Variants in PATJ observed in about 807,000 individuals in gnomAD.
PATJ encodes PATJ crumbs cell polarity complex component, also known as inaD-like protein.
In PATJ, 190 loss-of-function variants were observed where a neutral mutation model predicts 224.9. That is an observed-to-expected ratio of 0.84 (90% CI 0.75 to 0.95). The LOEUF is 0.95. PATJ is among the 40% of genes least tolerant of loss of function. The pLI, the probability that PATJ is intolerant of heterozygous loss-of-function variation, is 0.00. For synonymous variants in PATJ, 769 were observed against 820.3 expected, an observed-to-expected ratio of 0.94 and a Z score of 1.07; for missense variants, 2,121 against 2,270.3, an observed-to-expected ratio of 0.93 and a Z score of 1.34.
At chr1:61,770,642 A>G (rs975735036) in intron 5 of PATJ, among the ~76,000 whole-genome samples, 1 of 152,072 alleles carries the variant, frequency 6.6e-6, no homozygotes, top group African/African-American at 2.4e-5. Context: ...CTTGGGAGAG[A>G]TTAAAAGGGC....
At position 61,745,707 on chromosome 1, in the gene PATJ, G is replaced by A. The variant is rs1286705; in HGVS notation, c.-36+3152G>A. On this transcript the variant is annotated intron_variant, in intron 1 of 43. Coordinates refer to ENST00000642238, the MANE Select transcript of PATJ (RefSeq NM_001350145.3). ...CAACCTCTGCCTCCCAGGGTCAAGC[G>A]CTTCTCTTGCCTCAGCTTCCCAAGT... Among the ~76,000 whole-genome samples, 581 of 151,584 alleles carry A rather than the reference G, an allele frequency of 3.8e-3. 7 individuals are homozygous for A. Among genetic ancestry groups the A allele is most frequent in the African/African-American group, 0.013 (544 of 41,366 alleles).
At chr1:62,156,960 C>T (rs1425490115) in intron 43 of PATJ, among the ~76,000 whole-genome samples, 2 of 151,474 alleles carry the variant, frequency 1.3e-5, no homozygotes, top group Admixed American at 1.3e-4. Context: ...AAAAAGATCA[C>T]ATGAAAATCT....
At chr1:62,087,220 A>C (rs1489458879) in intron 33 of PATJ, among the ~76,000 whole-genome samples, 1 of 152,010 alleles carries the variant, frequency 6.6e-6, no homozygotes, top group Non-Finnish European at 1.5e-5. Flanking sequence ...GGGACAGCAC[A>C]GGCAGAGAGT....
intron 28 of PATJ, among the ~76,000 whole-genome samples, chr1:62,002,680 A>C (rs997175275): frequency 6.7e-6 from 1 of 149,506 alleles, no homozygotes; most frequent in African/African-American, 2.5e-5. Flanking sequence ...CTGCACTCAA[A>C]CCTGGGCAAC....
chr1:62,008,455 C>T (rs1204558892), intron 28 of PATJ, among the ~76,000 whole-genome samples: 2 of 152,202 alleles, frequency 1.3e-5, no homozygotes, highest in Non-Finnish European at 2.9e-5. Flanking sequence ...TATAATTTAT[C>T]ATCCAAACTG....
chr1:61,948,552 A>G (rs1461913229), intron 27 of PATJ, among the ~76,000 whole-genome samples: 1 of 152,228 alleles, frequency 6.6e-6, no homozygotes. Flanking sequence ...ATCATTAAAA[A>G]GTCAGGAAAC....
At chr1:62,062,161 T>C (rs937825976) in intron 31 of PATJ, among the ~76,000 whole-genome samples, 1 of 152,116 alleles carries the variant, frequency 6.6e-6, no homozygotes, top group African/African-American at 2.4e-5. Context: ...TTGAGAAATC[T>C]CTAAAGTGCT....
chr1:62,117,568 T>C (rs1227053473), intron 37 of PATJ: 1 of 217,758 alleles, frequency 4.6e-6, no homozygotes, highest in African/African-American at 2.4e-5. Flanking sequence ...CATTGTTCTA[T>C]TCATTCAATT....
In PATJ at chr1:62,163,905, T is replaced by A. The variant is rs1426488465; in HGVS notation, c.*2851T>A. 6.6e-6 allele frequency: 1 copy of A among 152,134 alleles called. No homozygotes were observed. Among genetic ancestry groups the A allele is most frequent in the African/African-American group, 2.4e-5 (1 of 41,452 alleles). The allele number at this position is 152,134 out of a possible 1,614,324, so 9.4% of individuals were successfully genotyped here. ...TTCCAAAGATTCTAAATAAATGTAG[T>A]TGCCTACAGAGCAAATGGAGTTTTA... On this transcript the variant is annotated 3_prime_UTR_variant, in exon 44 of 44. Transcript: ENST00000642238.
Position 62,128,840 on chromosome 1 carries a change from G to C in PATJ, c.5167-1G>C, listed in dbSNP as rs746037521. The C allele has an allele frequency of 4.4e-6, 7 of 1,599,696 alleles. No homozygotes were observed. The highest frequency in any genetic ancestry group is 1.7e-5 in the Admixed American group (1 of 59,880). On this transcript the variant is annotated splice_acceptor_variant, in intron 40 of 43. Coordinates refer to ENST00000642238, the MANE Select transcript of PATJ (RefSeq NM_001350145.3). LOFTEE classifies it high-confidence loss of function. ...ATTTTCTGTCATTTTTGTACTTCCA[G>C]GTTGGAGATCGGATTGTCAGCATTA... is the stretch of plus-strand genomic sequence containing the variant.
intron 30 of PATJ, among the ~76,000 whole-genome samples, chr1:62,042,044 T>C (rs1401882441): frequency 3.9e-5 from 6 of 152,114 alleles, no homozygotes; most frequent in Non-Finnish European, 8.8e-5. Flanking sequence ...CAGGCTAGTA[T>C]GTAAAAAATA....
chr1:62,017,413 CAA>C (rs58031818), intron 28 of PATJ, among the ~76,000 whole-genome samples: 1 of 134,538 alleles, frequency 7.4e-6, no homozygotes. Flanking sequence ...GACTCCGCCT[CAA>C]AAAAAAAAAA....
In PATJ at chr1:61,793,457, C is replaced by T. The variant is rs563942303; in HGVS notation, c.1168+2010C>T. Among the ~76,000 whole-genome samples, 38 of 152,104 alleles carry T rather than the reference C, an allele frequency of 2.5e-4. No individual in the cohort carries two copies. The South Asian group carries it at 4.4e-3, about 17-fold the overall frequency. ...TTGGGGAAATGTCAAGTGCGTGCTGCGGACTGGGCTTGGTGGCTCATGCCT... is the reference window on the plus strand; with the variant it reads ...TTGGGGAAATGTCAAGTGCGTGCTGTGGACTGGGCTTGGTGGCTCATGCCT... On this transcript the variant is annotated intron_variant, in intron 9 of 43. Coordinates refer to ENST00000642238, the MANE Select transcript of PATJ (RefSeq NM_001350145.3).
At chr1:61,983,902 G>A (rs917227677) in intron 27 of PATJ, among the ~76,000 whole-genome samples, 1 of 151,826 alleles carries the variant, frequency 6.6e-6, no homozygotes, top group Admixed American at 6.6e-5. Context: ...GTGGCTCAGT[G>A]CAGCCTCAAC....
At position 61,823,070 on chromosome 1, in the gene PATJ, G is replaced by A. The variant is rs778845575; in HGVS notation, c.1809G>A (p.Glu603=). The A allele has an allele frequency of 2.5e-6, 4 of 1,613,862 alleles. No homozygotes were observed. In the African/African-American group the frequency reaches 4.0e-5, roughly 16 times the overall value. ...TGGGTCTCCTACAGCCAGAAGATGA[G>A]CTGCTTGAGGTAAAATTTATGGGGA... ...DTLGLLQPED[E]LLEVNGMQLY... is the part of the protein sequence containing the mutation. Residue 603 remains glutamate (E), a synonymous_variant, in exon 15 of 44, where the codon GAG becomes GAA. Transcript: ENST00000642238.
chr1:62,155,488 A>G (rs1187716838), intron 43 of PATJ, among the ~76,000 whole-genome samples: 1 of 152,024 alleles, frequency 6.6e-6, no homozygotes, highest in African/African-American at 2.4e-5. Context: ...AGAACCCACC[A>G]GCATCCACAC....
At position 62,162,235 on chromosome 1, in the gene PATJ, T is replaced by C. The variant is rs775277742; in HGVS notation, c.*1181T>C. 5 of 152,166 alleles carry C rather than the reference T, an allele frequency of 3.3e-5. No homozygotes were observed. Among genetic ancestry groups the C allele is most frequent in the Non-Finnish European group, 7.3e-5 (5 of 68,036 alleles). 9.4% of individuals were successfully genotyped at this position (152,166 alleles called of 1,614,324 possible). On this transcript the variant is annotated 3_prime_UTR_variant, in exon 44 of 44. Coordinates refer to ENST00000642238, the MANE Select transcript of PATJ (RefSeq NM_001350145.3). ...AGGCATCATTCCCACCCCTCGGTCT[T>C]AGGAAAAGGAGGTAGAAGCCCCAGA...
At chr1:62,032,826 A>G (rs567231722) in intron 29 of PATJ, among the ~76,000 whole-genome samples, 1 of 152,204 alleles carries the variant, frequency 6.6e-6, no homozygotes, top group African/African-American at 2.4e-5. Flanking sequence ...CTGACAGTTC[A>G]GCGTGTCTGG....
chr1:62,107,744 A>G (rs1663277821), intron 33 of PATJ, among the ~76,000 whole-genome samples: 1 of 152,222 alleles, frequency 6.6e-6, no homozygotes, highest in African/African-American at 2.4e-5. Flanking sequence ...TTTTAAGGTT[A>G]TGAATCTGAA....
Sources: allele counts gnomAD v4.1 joint callset (sites outside exome capture counted in the v4.1 genomes callset), GRCh38; gene constraint gnomAD v4.1.1; transcripts MANE v1.5; gene names NCBI Gene and HGNC (gene_info 2026-07-23, HGNC 2026-07-21).